Variants in SLC1A1 observed in about 807,000 individuals in gnomAD.
SLC1A1 encodes excitatory amino acid transporter 3.
SLC1A1 carries 43 observed loss-of-function variants against 53.3 expected under a neutral mutation model. The observed-to-expected ratio is 0.81, with a 90% CI of 0.63 to 1.04. The LOEUF (loss-of-function observed/expected upper bound fraction) is 1.04. Ranked by LOEUF, SLC1A1 falls within the 50% of genes least tolerant of loss-of-function variation. The probability of loss-of-function intolerance (pLI) is 0.00; values close to 1 mark genes in which losing one functional copy is unlikely to be tolerated. For synonymous variants in SLC1A1, 307 were observed against 243.2 expected, an observed-to-expected ratio of 1.26 and a Z score of -2.44; for missense variants, 748 against 664.9, an observed-to-expected ratio of 1.12 and a Z score of -1.37.
At chr9:4,571,426 A>C (rs1344821419) in intron 6 of SLC1A1, among the ~76,000 whole-genome samples, 1 of 152,210 alleles carries the variant, frequency 6.6e-6, no homozygotes, top group African/African-American at 2.4e-5. Flanking sequence ...CTGTAATCCC[A>C]GCACTTTGAG....
chr9:4,575,253 C>G (rs192492883), intron 8 of SLC1A1, among the ~76,000 whole-genome samples: 1 of 152,318 alleles, frequency 6.6e-6, no homozygotes, highest in African/African-American at 2.4e-5. Flanking sequence ...TCTGTAAACT[C>G]TAAGCTGCCA....
At chr9:4,579,973 C>T (rs1820904311) in intron 10 of SLC1A1, among the ~76,000 whole-genome samples, 1 of 152,144 alleles carries the variant, frequency 6.6e-6, no homozygotes, top group Admixed American at 6.6e-5. Flanking sequence ...GTAATCCCAG[C>T]ACTTTGGGAG....
chr9:4,560,944 C>T lies in SLC1A1; in HGVS notation c.233-505C>T, dbSNP rs565210863. Reference sequence around the variant, plus strand: ...CCAGGAGATGGAGGTTGTAATGAGCCGAGATCACACCATTGCACTCCAGCC... The same window carrying T: ...CCAGGAGATGGAGGTTGTAATGAGCTGAGATCACACCATTGCACTCCAGCC... On this transcript the variant is annotated intron_variant, in intron 2 of 11. Transcript: ENST00000262352. 1.1e-4 allele frequency among the ~76,000 whole-genome samples: 16 copies of T among 151,742 alleles called. No homozygotes were observed. In the East Asian group the frequency reaches 1.9e-3, roughly 18 times the overall value.
Position 4,549,200 on chromosome 9 carries a change from C to T in SLC1A1, c.232+4493C>T, listed in dbSNP as rs1158876537. On this transcript the variant is annotated intron_variant, in intron 2 of 11. Coordinates refer to ENST00000262352, the MANE Select transcript of SLC1A1 (RefSeq NM_004170.6). This position sits in a 1 kb window ranked among gnomAD's most constrained non-coding sequence, Gnocchi z 4.1. ...TCCTTCCCGGATGCTCATAACTTTG[C>T]TCAGGAAGAGGTTGCAGCTCTTCCA... 1.3e-5 allele frequency among the ~76,000 whole-genome samples: 2 copies of T among 152,152 alleles called. No individual in the cohort carries two copies. Among genetic ancestry groups the T allele is most frequent in the African/African-American group, 4.8e-5 (2 of 41,436 alleles).
In SLC1A1 at chr9:4,490,621, C is replaced by G. The variant is rs1375965911; in HGVS notation, c.-59C>G. On this transcript the variant is annotated 5_prime_UTR_variant, in exon 1 of 12. Coordinates refer to ENST00000262352, the MANE Select transcript of SLC1A1 (RefSeq NM_004170.6). ...CGCGCCGCCGAGCAGCCAGCAGTCCCCGGGTCGCCCAGCCCACGCGCGCAC... is the reference window on the plus strand; with the variant it reads ...CGCGCCGCCGAGCAGCCAGCAGTCCGCGGGTCGCCCAGCCCACGCGCGCAC... 2 of 1,430,530 alleles carry G rather than the reference C, an allele frequency of 1.4e-6. No homozygotes were observed. Among genetic ancestry groups the G allele is most frequent in the Non-Finnish European group, 2.0e-6 (2 of 1,023,606 alleles). 88.6% of individuals were successfully genotyped at this position (1,430,530 alleles called of 1,614,324 possible). A position where few individuals can be genotyped will look rare whatever the true frequency, so the allele number is the denominator to read the frequency against.
At chr9:4,571,882 A>T (rs1174851399) in intron 6 of SLC1A1, among the ~76,000 whole-genome samples, 1 of 152,174 alleles carries the variant, frequency 6.6e-6, no homozygotes, top group East Asian at 1.9e-4. Flanking sequence ...AGCAGTTAAA[A>T]TGACCCTGAA....
intron 1 of SLC1A1, among the ~76,000 whole-genome samples, chr9:4,532,071 A>G (rs1816493106): frequency 6.6e-6 from 1 of 152,142 alleles, no homozygotes; most frequent in Non-Finnish European, 1.5e-5. Flanking sequence ...ACCATCATCA[A>G]AGACCAAAGG....
chr9:4,586,028 A>C lies in SLC1A1; in HGVS notation c.*470A>C, dbSNP rs553711597. 3.6e-4 allele frequency: 64 copies of C among 176,020 alleles called. No homozygotes were observed. Among genetic ancestry groups the C allele is most frequent in the Admixed American group, 2.9e-3 (52 of 17,948 alleles). 10.9% of individuals were successfully genotyped at this position (176,020 alleles called of 1,614,324 possible). A position where few individuals can be genotyped will look rare whatever the true frequency, so the allele number is the denominator to read the frequency against. On this transcript the variant is annotated 3_prime_UTR_variant, in exon 12 of 12. Coordinates refer to ENST00000262352, the MANE Select transcript of SLC1A1 (RefSeq NM_004170.6). ...TAATGCATCTAAACCACCTGTCCCC[A>C]GTTAATGTGCCAAAATGTCAATTTT... is the stretch of plus-strand genomic sequence containing the variant.
At position 4,570,511 on chromosome 9, in the gene SLC1A1, C is replaced by G. The variant is rs1032038804; in HGVS notation, c.583-1693C>G. 2.3e-4 allele frequency among the ~76,000 whole-genome samples: 35 copies of G among 151,972 alleles called. No homozygotes were observed. In the Middle Eastern group the frequency reaches 0.014, roughly 59 times the overall value. ...TCAGCCTCCCAAGCAGCTGGGATTA[C>G]AGGCACGTGCCACAATGCCTGGCTA... On this transcript the variant is annotated intron_variant, in intron 6 of 11. Coordinates refer to ENST00000262352, the MANE Select transcript of SLC1A1 (RefSeq NM_004170.6).
chr9:4,585,409 T>G lies in SLC1A1; in HGVS notation c.1426T>G (p.Ser476Ala), dbSNP rs1024326123. 3 of 1,614,056 alleles carry G rather than the reference T, an allele frequency of 1.9e-6. No individual in the cohort carries two copies. The highest frequency in any genetic ancestry group is 2.7e-5 in the African/African-American group (2 of 74,940). The change falls in exon 12 of 12, where the codon TCA becomes GCA. Residue 476 changes from serine (S) to alanine (A), a missense_variant. Transcript: ENST00000262352. Reference sequence around the variant, plus strand: ...GAAGGAGCTGGAGCAGATGGATGTTTCATCTGAAGTCAACATTGTGAATCC... The same window carrying G: ...GAAGGAGCTGGAGCAGATGGATGTTGCATCTGAAGTCAACATTGTGAATCC... ...SKKELEQMDV[S>A]SEVNIVNPFA...
At chr9:4,520,343 T>A (rs1381091932) in intron 1 of SLC1A1, among the ~76,000 whole-genome samples, 1 of 152,190 alleles carries the variant, frequency 6.6e-6, no homozygotes. Context: ...TCCCACCTCA[T>A]GAAAAAGCCA....
At chr9:4,506,246 C>A (rs1396511026) in intron 1 of SLC1A1, among the ~76,000 whole-genome samples, 3 of 152,238 alleles carry the variant, frequency 2.0e-5, no homozygotes, top group Non-Finnish European at 4.4e-5. Context: ...CATGAGCCAT[C>A]ATGCCCGGCC....
Position 4,490,673 on chromosome 9 carries a change from G to A in SLC1A1, c.-7G>A, listed in dbSNP as rs1201460166. On this transcript the variant is annotated 5_prime_UTR_variant, in exon 1 of 12. Coordinates refer to ENST00000262352, the MANE Select transcript of SLC1A1 (RefSeq NM_004170.6). ...GCCGAGCCCAGCGCACAATAGCGGCGACAGCCATGGGGAAACCGGCGAGGA... is the reference window on the plus strand; with the variant it reads ...GCCGAGCCCAGCGCACAATAGCGGCAACAGCCATGGGGAAACCGGCGAGGA... 1 of 1,611,956 alleles carries A rather than the reference G, an allele frequency of 6.2e-7. No individual in the cohort carries two copies. Among genetic ancestry groups the A allele is most frequent in the Non-Finnish European group, 8.5e-7 (1 of 1,178,530 alleles).
At chr9:4,548,887 A>T (rs1817699078) in intron 2 of SLC1A1, among the ~76,000 whole-genome samples, 1 of 152,222 alleles carries the variant, frequency 6.6e-6, no homozygotes, top group South Asian at 2.1e-4. Flanking sequence ...TTACATTGTG[A>T]AGAACATGCT....
chr9:4,520,481 G>A (rs143889229), intron 1 of SLC1A1, among the ~76,000 whole-genome samples: 39 of 152,096 alleles, frequency 2.6e-4, no homozygotes, highest in African/African-American at 8.9e-4. Context: ...GCCTGTTCTG[G>A]ACATTTCATA....
chr9:4,513,031 A>C (rs1276869695), intron 1 of SLC1A1, among the ~76,000 whole-genome samples: 1 of 152,194 alleles, frequency 6.6e-6, no homozygotes, highest in African/African-American at 2.4e-5. Flanking sequence ...ATGCAGAAAA[A>C]AAAATGAACC....
At chr9:4,504,434 G>A (rs559545147) in intron 1 of SLC1A1, among the ~76,000 whole-genome samples, 11 of 152,310 alleles carry the variant, frequency 7.2e-5, no homozygotes, top group African/African-American at 2.2e-4. Flanking sequence ...AGGAGACTTT[G>A]AACAACTGCG....
In SLC1A1 at chr9:4,494,038, C is replaced by T. The variant is rs778511402; in HGVS notation, c.91+3268C>T. On this transcript the variant is annotated intron_variant, in intron 1 of 11. Transcript: ENST00000262352. ...TGACCATCTTTTTAAATTTCTGCGACACCCTACATGGTCCTGAAAATAGTA... is the reference window on the plus strand; with the variant it reads ...TGACCATCTTTTTAAATTTCTGCGATACCCTACATGGTCCTGAAAATAGTA... Among the ~76,000 whole-genome samples the T allele has an allele frequency of 4.6e-5, 7 of 152,336 alleles. No homozygotes were observed. The South Asian group carries it at 1.5e-3, about 32-fold the overall frequency.
In SLC1A1 at chr9:4,585,764, C is replaced by G; in HGVS notation, c.*206C>G. ...GGTGTGGGGTAAGTTGAAGGGAAAT[C>G]AATTTAAAGGAAAGTTCTATTATCT... On this transcript the variant is annotated 3_prime_UTR_variant, in exon 12 of 12. Coordinates refer to ENST00000262352, the MANE Select transcript of SLC1A1 (RefSeq NM_004170.6). The G allele has an allele frequency of 1.6e-6, 1 of 608,294 alleles. No homozygotes were observed. The highest frequency in any genetic ancestry group is 2.0e-5 in the South Asian group (1 of 49,778). 37.7% of individuals were successfully genotyped at this position (608,294 alleles called of 1,614,324 possible). A position where few individuals can be genotyped will look rare whatever the true frequency, so the allele number is the denominator to read the frequency against.
Sources: allele counts gnomAD v4.1 joint callset (sites outside exome capture counted in the v4.1 genomes callset), GRCh38; gene constraint gnomAD v4.1.1; non-coding constraint Gnocchi (gnomAD v3.1); transcripts MANE v1.5; gene names NCBI Gene and HGNC (gene_info 2026-07-23, HGNC 2026-07-21).